The following CD96 variants were observed in gnomAD, a reference collection of about 807,000 sequenced individuals.
CD96 encodes CD96 molecule, also known as T-cell surface protein tactile.
In CD96, 70 loss-of-function variants were observed where a neutral mutation model predicts 71.3. The observed-to-expected ratio is 0.98, with a 90% CI of 0.81 to 1.20. CD96 has a LOEUF of 1.20. CD96 is among the 50% of genes most tolerant of loss of function. CD96 has a pLI of 0.00. For synonymous variants in CD96, 248 were observed against 233.0 expected, an observed-to-expected ratio of 1.06 and a Z score of -0.59; for missense variants, 742 against 677.5, an observed-to-expected ratio of 1.10 and a Z score of -1.06.
At chr3:111,634,123 A>G (rs1240186614) in intron 10 of CD96, 1 of 152,970 alleles carries the variant, frequency 6.5e-6, no homozygotes, top group East Asian at 1.9e-4. Context: ...AAGGGAAAAG[A>G]TGCCTAATGT....
Position 111,598,191 on chromosome 3 carries a change from T to A in CD96, c.879T>A (p.Phe293Leu). The change falls in exon 6 of 14, where the codon TTT (phenylalanine) becomes TTA (leucine). Residue 293 changes from phenylalanine to leucine, a missense_variant. Phe to Leu is a conservative substitution (Grantham distance 22, BLOSUM62 0). Transcript: ENST00000352690. Reference sequence around the variant, plus strand: ...TCACATGGTTTATAGATGGAAGTTTTCTTCATGATGAAAAAGAAGGTAAGG... The same window carrying A: ...TCACATGGTTTATAGATGGAAGTTTACTTCATGATGAAAAAGAAGGTAAGG... ...ANITWFIDGSFLHDEKEGIYI... is the reference protein window; with the variant it reads ...ANITWFIDGSLLHDEKEGIYI... 7.1e-7 allele frequency: 1 copy of A among 1,409,658 alleles called. No homozygotes were observed. The highest frequency in any genetic ancestry group is 1.0e-6 in the Non-Finnish European group (1 of 994,156). The allele number at this position is 1,409,658 out of a possible 1,614,324, so 87.3% of individuals were successfully genotyped here. A position where few individuals can be genotyped will look rare whatever the true frequency, so the allele number is the denominator to read the frequency against.
At chr3:111,662,316 T>A (rs1423804030) in intron 14 of CD96, among the ~76,000 whole-genome samples, 1 of 152,236 alleles carries the variant, frequency 6.6e-6, no homozygotes, top group East Asian at 1.9e-4. Flanking sequence ...TGAAGGTCTC[T>A]GAAATGCCTT....
chr3:111,603,300 C>T (rs779898381), intron 7 of CD96, among the ~76,000 whole-genome samples: 1 of 151,970 alleles, frequency 6.6e-6, no homozygotes, highest in African/African-American at 2.4e-5. Flanking sequence ...AAAAATCAGC[C>T]GGGCATGGTG....
chr3:111,649,078 T>C (rs1939961875), intron 13 of CD96, among the ~76,000 whole-genome samples: 1 of 152,232 alleles, frequency 6.6e-6, no homozygotes, highest in South Asian at 2.1e-4. Flanking sequence ...ATCCCCGCAG[T>C]ACATAGTGAG....
chr3:111,609,258 T>C (rs1354196900), intron 8 of CD96, among the ~76,000 whole-genome samples: 1 of 152,054 alleles, frequency 6.6e-6, no homozygotes, highest in Middle Eastern at 3.2e-3. Flanking sequence ...AATTGGAAAA[T>C]GCAAAGTAAA....
intron 12 of CD96, among the ~76,000 whole-genome samples, chr3:111,641,569 T>C (rs542953068): frequency 6.6e-6 from 1 of 152,352 alleles, no homozygotes; most frequent in South Asian, 2.1e-4. Flanking sequence ...AATACTCCAC[T>C]GACAACACTA....
rs1402059004 is a variant in CD96, at chr3:111,650,434, T to G, written c.*628T>G. The G allele has an allele frequency of 6.4e-6, 1 of 156,394 alleles. No individual in the cohort carries two copies. Among genetic ancestry groups the G allele is most frequent in the African/African-American group, 2.4e-5 (1 of 41,446 alleles). The allele number at this position is 156,394 out of a possible 1,614,324, so 9.7% of individuals were successfully genotyped here. A position where few individuals can be genotyped will look rare whatever the true frequency, so the allele number is the denominator to read the frequency against. On this transcript the variant is annotated 3_prime_UTR_variant, in exon 14 of 14. Coordinates refer to ENST00000352690, the MANE Select transcript of CD96 (RefSeq NM_005816.5). Reference sequence around the variant, plus strand: ...CAGACTCCTGCCACATGGACCAGGATGAAGAGGGATCAAAGAGATAATTAG... The same window carrying G: ...CAGACTCCTGCCACATGGACCAGGAGGAAGAGGGATCAAAGAGATAATTAG...
chr3:111,586,210 T>A (rs1209611435), intron 5 of CD96, among the ~76,000 whole-genome samples: 1 of 152,220 alleles, frequency 6.6e-6, no homozygotes, highest in African/African-American at 2.4e-5. Context: ...GCCTTATGAC[T>A]TTAGCCAAGC....
At chr3:111,657,901 T>C (rs1012283050) in intron 14 of CD96, among the ~76,000 whole-genome samples, 2 of 152,204 alleles carry the variant, frequency 1.3e-5, no homozygotes, top group Non-Finnish European at 2.9e-5. Context: ...CTTAATCACG[T>C]CTGTGTGTAA....
intron 4 of CD96, among the ~76,000 whole-genome samples, chr3:111,585,007 G>C (rs1385105084): frequency 2.0e-5 from 3 of 152,086 alleles, no homozygotes. Flanking sequence ...TTTAAAAGCT[G>C]TCTTCAAATC....
At chr3:111,573,533 C>T (rs1336220944) in intron 3 of CD96, among the ~76,000 whole-genome samples, 2 of 152,042 alleles carry the variant, frequency 1.3e-5, no homozygotes, top group African/African-American at 4.8e-5. Flanking sequence ...GACCCTGGGA[C>T]CTTTAAGTAC....
intron 3 of CD96, among the ~76,000 whole-genome samples, chr3:111,569,476 G>A (rs2107553164): frequency 6.6e-6 from 1 of 152,228 alleles, no homozygotes; most frequent in East Asian, 1.9e-4. Context: ...CTGAGAAAAA[G>A]GTTAATTAAG....
chr3:111,549,895 A>G (rs945236245), intron 2 of CD96, among the ~76,000 whole-genome samples: 3 of 152,198 alleles, frequency 2.0e-5, no homozygotes, highest in African/African-American at 7.2e-5. Flanking sequence ...ATACAATTTC[A>G]GATCTAGGAG....
At chr3:111,620,139 TC>T (rs139411394) in intron 8 of CD96, among the ~76,000 whole-genome samples, 14,387 of 152,124 alleles carry the variant, frequency 0.095, 939 homozygotes, top group Non-Finnish European at 0.14. Context: ...GGCCACAATC[TC>T]CCACTAAATT....
chr3:111,592,946 A>G (rs1250933790), intron 5 of CD96: 1 of 152,270 alleles, frequency 6.6e-6, no homozygotes, highest in African/African-American at 2.4e-5. Context: ...CATTGCAGCA[A>G]TAACAGGAGA....
intron 2 of CD96, among the ~76,000 whole-genome samples, chr3:111,562,404 C>G (rs1266984765): frequency 1.3e-5 from 2 of 152,066 alleles, no homozygotes; most frequent in Non-Finnish European, 2.9e-5. Context: ...TATAGACAGA[C>G]TATAGAATAT....
intron 12 of CD96, among the ~76,000 whole-genome samples, chr3:111,641,256 C>T (rs900028516): frequency 1.3e-5 from 2 of 152,182 alleles, no homozygotes; most frequent in African/African-American, 4.8e-5. Context: ...GGGAGACTCA[C>T]CTAACACATA....
At chr3:111,574,072 T>C (rs1052037276) in intron 3 of CD96, among the ~76,000 whole-genome samples, 2 of 152,052 alleles carry the variant, frequency 1.3e-5, no homozygotes, top group Non-Finnish European at 2.9e-5. Context: ...TAAGAAACAG[T>C]TTGGAGAAAA....
chr3:111,662,735 C>A (rs1940387880), intron 14 of CD96, among the ~76,000 whole-genome samples: 1 of 152,220 alleles, frequency 6.6e-6, no homozygotes, highest in African/African-American at 2.4e-5. Context: ...CCATCTGAGA[C>A]AACCACAGCC....
Sources: allele counts gnomAD v4.1 joint callset (sites outside exome capture counted in the v4.1 genomes callset), GRCh38; gene constraint gnomAD v4.1.1; transcripts MANE v1.5; gene names NCBI Gene and HGNC (gene_info 2026-07-23, HGNC 2026-07-21).